FBXL17: variants seen among roughly 807,000 people sequenced by gnomAD.
The protein encoded by FBXL17 is F-box and leucine rich repeat protein 17, also known as F-box/LRR-repeat protein 17.
A neutral mutation model predicts 66.2 loss-of-function variants in FBXL17; 22 were observed. That is an observed-to-expected ratio of 0.33 (90% CI 0.24 to 0.47). The LOEUF (loss-of-function observed/expected upper bound fraction) is 0.47. Ranked by LOEUF, FBXL17 falls within the 20% of genes least tolerant of loss-of-function variation. The probability of loss-of-function intolerance (pLI) is 1.00; values close to 1 mark genes in which losing one functional copy is unlikely to be tolerated. For missense variants in FBXL17, 878 were observed against 948.2 expected (o/e 0.93, Z 0.97); for synonymous variants, 474 against 400.5 (o/e 1.18, Z -2.19).
intron 3 of FBXL17, among the ~76,000 whole-genome samples, chr5:108,355,181 T>C (rs1400524220): frequency 2.6e-5 from 4 of 151,964 alleles, no homozygotes; most frequent in South Asian, 2.1e-4. Flanking sequence ...ATAATAATGA[T>C]GTATTTCATC....
At chr5:108,032,018 A>T (rs781416144) in intron 6 of FBXL17, among the ~76,000 whole-genome samples, 17 of 152,196 alleles carry the variant, frequency 1.1e-4, no homozygotes, top group Non-Finnish European at 1.9e-4. Context: ...ATTTGCTAAC[A>T]TCTACTTTGT....
intron 5 of FBXL17, among the ~76,000 whole-genome samples, chr5:108,188,045 A>T (rs1237904229): frequency 6.6e-6 from 1 of 152,162 alleles, no homozygotes; most frequent in Non-Finnish European, 1.5e-5. Flanking sequence ...ATTTAATTTT[A>T]ATTAATTTGT....
chr5:108,116,774 C>T (rs1324358789), intron 6 of FBXL17, among the ~76,000 whole-genome samples: 2 of 151,756 alleles, frequency 1.3e-5, no homozygotes, highest in Non-Finnish European at 2.9e-5. Flanking sequence ...CTCAAAAAAA[C>T]AGCTCAGATA....
At chr5:108,037,951 A>G (rs1746907454) in intron 6 of FBXL17, among the ~76,000 whole-genome samples, 1 of 152,206 alleles carries the variant, frequency 6.6e-6, no homozygotes. Flanking sequence ...TAATTTACCT[A>G]TCAATTTACA....
chr5:108,160,015 C>A (rs201407491), intron 6 of FBXL17, among the ~76,000 whole-genome samples: 2 of 142,564 alleles, frequency 1.4e-5, no homozygotes, highest in African/African-American at 5.4e-5. Context: ...ATATCCCTGT[C>A]AAAAAAAATT....
rs190509238 is a variant in FBXL17, at chr5:108,086,602, A to G, written c.1746-65601T>C. On this transcript the variant is annotated intron_variant, in intron 6 of 8. Coordinates refer to ENST00000542267, the MANE Select transcript of FBXL17 (RefSeq NM_001163315.3). ...GAGATAGAGTTTCACTCTGTTGCCC[A>G]GGCTGGAGTGCAGTGGCATGATCTC... Among the ~76,000 whole-genome samples, 402 of 152,282 alleles carry G rather than the reference A, an allele frequency of 2.6e-3. 4 individuals are homozygous for G. The highest frequency in any genetic ancestry group is 9.4e-3 in the African/African-American group (389 of 41,560).
chr5:108,192,377 G>C (rs1753502388), intron 5 of FBXL17, among the ~76,000 whole-genome samples: 2 of 152,108 alleles, frequency 1.3e-5, no homozygotes, highest in Non-Finnish European at 2.9e-5. Flanking sequence ...AGAAACCCAA[G>C]TCAGAATGTA....
rs1580677942 is a variant in FBXL17, at chr5:107,881,787, ATGGT to A, written c.1823-612_1823-609del. Among the ~76,000 whole-genome samples the A allele has an allele frequency of 2.6e-5, 4 of 152,338 alleles. No individual in the cohort carries two copies. The East Asian group carries it at 7.7e-4, about 29-fold the overall frequency. On this transcript the variant is annotated intron_variant, in intron 7 of 8. Coordinates refer to ENST00000542267, the MANE Select transcript of FBXL17 (RefSeq NM_001163315.3). ...GTGCAGTAAACAGAATGCATTTGTT[ATGGT>A]GAATTTCCTCATCCTATCAGAAGTC... is the stretch of plus-strand genomic sequence containing the variant.
At chr5:108,371,112 G>T (rs893174719) in intron 1 of FBXL17, among the ~76,000 whole-genome samples, 1 of 152,174 alleles carries the variant, frequency 6.6e-6, no homozygotes, top group African/African-American at 2.4e-5. Flanking sequence ...GCAAGACAGA[G>T]AATGTGAGAA....
intron 7 of FBXL17, among the ~76,000 whole-genome samples, chr5:107,965,133 A>G (rs1025291692): frequency 5.3e-5 from 8 of 152,110 alleles, no homozygotes; most frequent in Non-Finnish European, 7.4e-5. Flanking sequence ...AGTACATACT[A>G]AAGTCAGCTG....
intron 7 of FBXL17, among the ~76,000 whole-genome samples, chr5:107,957,926 C>T (rs1045782959): frequency 6.6e-6 from 1 of 152,130 alleles, no homozygotes. Flanking sequence ...CAGACATCAA[C>T]ACAGGCAAAG....
chr5:108,376,844 C>T (rs62362278), intron 1 of FBXL17, among the ~76,000 whole-genome samples: 3 of 146,112 alleles, frequency 2.1e-5, no homozygotes, highest in South Asian at 2.1e-4. Flanking sequence ...TGGAGTGCAG[C>T]GGTGTGATCT....
intron 6 of FBXL17, among the ~76,000 whole-genome samples, chr5:108,169,905 T>C (rs1171717410): frequency 6.6e-6 from 1 of 152,148 alleles, no homozygotes; most frequent in Non-Finnish European, 1.5e-5. Context: ...AGCCCAAGAT[T>C]GTGGAAAAGT....
intron 4 of FBXL17, among the ~76,000 whole-genome samples, chr5:108,229,562 C>T (rs1014170390): frequency 6.6e-6 from 1 of 152,190 alleles, no homozygotes; most frequent in East Asian, 1.9e-4. Context: ...ATACAAAAAT[C>T]GAATCAAGAT....
chr5:107,964,109 A>T (rs10036177), intron 7 of FBXL17, among the ~76,000 whole-genome samples: 14,813 of 152,140 alleles, frequency 0.097, 800 homozygotes, highest in South Asian at 0.13. Flanking sequence ...TCTAGTACAG[A>T]CAGGTGAATT....
chr5:108,141,041 T>C (rs980040155), intron 6 of FBXL17, among the ~76,000 whole-genome samples: 1 of 152,154 alleles, frequency 6.6e-6, no homozygotes, highest in Non-Finnish European at 1.5e-5. Flanking sequence ...AATGTGATGA[T>C]ATCATTCCCC....
At chr5:108,056,337 G>A (rs1454467996) in intron 6 of FBXL17, among the ~76,000 whole-genome samples, 2 of 152,212 alleles carry the variant, frequency 1.3e-5, no homozygotes, top group African/African-American at 2.4e-5. Flanking sequence ...CACACCTGCA[G>A]TGAAAGTAAG....
At chr5:108,025,718 C>A in intron 6 of FBXL17, among the ~76,000 whole-genome samples, 1 of 106,842 alleles carries the variant, frequency 9.4e-6, no homozygotes, top group Admixed American at 8.3e-5. Context: ...CACACACACA[C>A]GCGCGCGCGC....
chr5:108,338,983 A>G lies in FBXL17; in HGVS notation c.1506+9416T>C, dbSNP rs1161363834. 2.0e-5 allele frequency among the ~76,000 whole-genome samples: 3 copies of G among 152,230 alleles called. 1 individual carries two copies. The South Asian group carries it at 6.2e-4, about 31-fold the overall frequency. Reference sequence around the variant, plus strand: ...TGCCTGAAGACAGGGTTACCTGACAAAGGCCCAAGTGCCATAGGACATTTA... The same window carrying G: ...TGCCTGAAGACAGGGTTACCTGACAGAGGCCCAAGTGCCATAGGACATTTA... On this transcript the variant is annotated intron_variant, in intron 4 of 8. Coordinates refer to ENST00000542267, the MANE Select transcript of FBXL17 (RefSeq NM_001163315.3).
Sources: gnomAD v4.1 joint callset for allele counts (sites outside exome capture counted in the v4.1 genomes callset) on GRCh38, gnomAD v4.1.1 for gene constraint, MANE v1.5 for transcripts, NCBI Gene and HGNC (gene_info 2026-07-23, HGNC 2026-07-21) for gene names.